Variants in PRMT3 observed in about 807,000 individuals in gnomAD.
PRMT3 encodes protein arginine methyltransferase 3.
A neutral mutation model predicts 71.9 loss-of-function variants in PRMT3; 62 were observed. The observed-to-expected ratio is 0.86, with a 90% CI of 0.70 to 1.07. The LOEUF (loss-of-function observed/expected upper bound fraction) is 1.07. Ranked by LOEUF, PRMT3 falls within the 50% of genes least tolerant of loss-of-function variation. The pLI is 0.00. For synonymous variants in PRMT3, 213 were observed against 220.4 expected (o/e 0.97, Z 0.30); for missense variants, 663 against 643.0 (o/e 1.03, Z -0.34).
intron 12 of PRMT3, among the ~76,000 whole-genome samples, chr11:20,464,174 A>T (rs1850451848): frequency 6.6e-6 from 1 of 152,130 alleles, no homozygotes; most frequent in African/African-American, 2.4e-5. Flanking sequence ...TGTCAGGAAA[A>T]CTTTAGCACA....
chr11:20,432,674 T>TC (rs1849679635), intron 10 of PRMT3, among the ~76,000 whole-genome samples: 1 of 152,156 alleles, frequency 6.6e-6, no homozygotes, highest in Non-Finnish European at 1.5e-5. Context: ...TTTATATTCT[T>TC]ACCAACAGTG....
At chr11:20,482,259 A>G (rs562800579) in intron 13 of PRMT3, among the ~76,000 whole-genome samples, 1 of 152,228 alleles carries the variant, frequency 6.6e-6, no homozygotes, top group East Asian at 1.9e-4. Flanking sequence ...TTCTGATTCT[A>G]AAGCCTCCAA....
At chr11:20,435,099 T>A (rs1849733702) in intron 10 of PRMT3, among the ~76,000 whole-genome samples, 4 of 152,246 alleles carry the variant, frequency 2.6e-5, no homozygotes, top group African/African-American at 7.2e-5. Context: ...TTTGAGATCA[T>A]CTCCACAAAA....
chr11:20,468,282 TAATTA>T (rs1449956981), intron 13 of PRMT3, among the ~76,000 whole-genome samples: 1 of 152,228 alleles, frequency 6.6e-6, no homozygotes, highest in African/African-American at 2.4e-5. Context: ...GCTTAGCTAC[TAATTA>T]AAGTGGAGAA....
chr11:20,475,478 T>C (rs568351032), intron 13 of PRMT3, among the ~76,000 whole-genome samples: 6 of 152,288 alleles, frequency 3.9e-5, no homozygotes, highest in African/African-American at 1.4e-4. Flanking sequence ...TTGGCCATCT[T>C]GGCCCCCTTA....
chr11:20,392,626 T>G (rs1391739848), intron 4 of PRMT3, among the ~76,000 whole-genome samples: 5 of 151,254 alleles, frequency 3.3e-5, no homozygotes, highest in African/African-American at 1.2e-4. Context: ...TACTTTGTTT[T>G]TTTTTTTTTT....
chr11:20,507,169 G>T (rs1851610796), intron 15 of PRMT3, among the ~76,000 whole-genome samples: 1 of 152,176 alleles, frequency 6.6e-6, no homozygotes, highest in South Asian at 2.1e-4. Context: ...CCCTGGCATT[G>T]GGTAATTCAT....
chr11:20,484,768 AT>A (rs1851031311), intron 13 of PRMT3, among the ~76,000 whole-genome samples: 1 of 152,186 alleles, frequency 6.6e-6, no homozygotes, highest in Non-Finnish European at 1.5e-5. Flanking sequence ...ACAGTAAATA[AT>A]CTTCCTCTTT....
intron 2 of PRMT3, 70 bp from the exon 3 acceptor site, chr11:20,389,674 T>C (rs1848670133): frequency 1.9e-6 from 2 of 1,045,472 alleles, no homozygotes; most frequent in Non-Finnish European, 2.8e-6. Flanking sequence ...AAAAAGTGTA[T>C]ATGTAACATG....
intron 10 of PRMT3, among the ~76,000 whole-genome samples, chr11:20,440,488 A>AG (rs1849865864): frequency 2.7e-4 from 19 of 71,484 alleles, no homozygotes; most frequent in Admixed American, 2.4e-3. Flanking sequence ...TACTAAAAAT[A>AG]CAAAAAAAAA....
intron 15 of PRMT3, among the ~76,000 whole-genome samples, chr11:20,506,474 A>G (rs1851593265): frequency 7.2e-6 from 1 of 138,346 alleles, no homozygotes; most frequent in Admixed American, 8.0e-5. Flanking sequence ...CTCCTTAATT[A>G]TGTGTTAAAC....
intron 13 of PRMT3, among the ~76,000 whole-genome samples, chr11:20,466,922 C>A (rs1472162075): frequency 6.6e-6 from 1 of 152,164 alleles, no homozygotes; most frequent in Admixed American, 6.5e-5. Flanking sequence ...TAAACTGTTA[C>A]ATTATATCTA....
At chr11:20,496,286 C>T (rs763320868) in intron 15 of PRMT3, among the ~76,000 whole-genome samples, 8 of 151,948 alleles carry the variant, frequency 5.3e-5, no homozygotes, top group East Asian at 1.9e-4. Flanking sequence ...GGCATGGTGG[C>T]GCACACCTAT....
chr11:20,487,617 T>G (rs1385941886), intron 13 of PRMT3, among the ~76,000 whole-genome samples: 5 of 152,208 alleles, frequency 3.3e-5, no homozygotes, highest in Non-Finnish European at 5.9e-5. Context: ...TGTATTCAGT[T>G]TGAAAATTCA....
intron 13 of PRMT3, among the ~76,000 whole-genome samples, chr11:20,473,640 A>ATGTT (rs1369749762): frequency 6.6e-6 from 1 of 152,000 alleles, no homozygotes; most frequent in African/African-American, 2.4e-5. Context: ...AGCTCCTGTA[A>ATGTT]TGTTTTACCA....
chr11:20,424,861 C>T (rs1222295476), intron 9 of PRMT3, among the ~76,000 whole-genome samples: 1 of 152,118 alleles, frequency 6.6e-6, no homozygotes, highest in Non-Finnish European at 1.5e-5. Flanking sequence ...CAGCTCATGC[C>T]TGTAATCCCA....
chr11:20,395,961 A>G lies in PRMT3; in HGVS notation c.559A>G (p.Lys187Glu). Residue 187 changes from lysine (K) to glutamate (E), a missense_variant and splice_region_variant, in exon 6 of 16, where the codon AAA becomes GAA. By Grantham distance (56) the Lys-to-Glu change is moderately conservative. Coordinates refer to ENST00000331079, the MANE Select transcript of PRMT3 (RefSeq NM_005788.4). ...AGCACGTGAGGATCTGCAAAAAATG[A>G]AGTAATTTATCAATCTTGCAAAATT... ...ARAREDLQKMKQFAQDFVMHT... is the reference protein window; with the variant it reads ...ARAREDLQKMEQFAQDFVMHT... The G allele has an allele frequency of 6.2e-7, 1 of 1,610,578 alleles. No homozygotes were observed. The highest frequency in any genetic ancestry group is 8.5e-7 in the Non-Finnish European group (1 of 1,179,094).
intron 9 of PRMT3, among the ~76,000 whole-genome samples, chr11:20,409,533 C>T (rs1038132783): frequency 1.3e-5 from 2 of 151,928 alleles, no homozygotes; most frequent in East Asian, 3.9e-4. Context: ...ATATTTGGAG[C>T]GTTAGCTATG....
intron 7 of PRMT3, among the ~76,000 whole-genome samples, chr11:20,402,107 ATTTTTG>A (rs140872887): frequency 0.026 from 3,916 of 151,118 alleles, 160 homozygotes; most frequent in Admixed American, 0.12. Flanking sequence ...TCTCCTTTCT[ATTTTTG>A]TTTTTGTTTT....
Sources: gnomAD v4.1 joint callset for allele counts (sites outside exome capture counted in the v4.1 genomes callset) on GRCh38, gnomAD v4.1.1 for gene constraint, MANE v1.5 for transcripts, NCBI Gene and HGNC (gene_info 2026-07-23, HGNC 2026-07-21) for gene names.